Variants in ANKS6 observed in about 807,000 individuals in gnomAD.
ANKS6 encodes the protein ankyrin repeat and sterile alpha motif domain containing 6, also known as ankyrin repeat and SAM domain-containing protein 6.
Under a neutral mutation model 77.9 loss-of-function variants are expected in ANKS6, and 47 were observed. That is an observed-to-expected ratio of 0.60 (90% CI 0.48 to 0.77). The LOEUF (loss-of-function observed/expected upper bound fraction) is 0.77. Ranked by LOEUF, ANKS6 falls within the 30% of genes least tolerant of loss-of-function variation. The probability of loss-of-function intolerance (pLI) is 0.00; values close to 1 mark genes in which losing one functional copy is unlikely to be tolerated. For missense variants in ANKS6, 1,150 were observed against 1,159.1 expected (o/e 0.99, Z 0.11); for synonymous variants, 488 against 501.7 (o/e 0.97, Z 0.37).
Position 98,735,325 on chromosome 9 carries a change from T to C in ANKS6, c.*1194A>G. The C allele has an allele frequency of 9.8e-7, 1 of 1,019,540 alleles. No individual in the cohort carries two copies. The highest frequency in any genetic ancestry group is 1.2e-6 in the Non-Finnish European group (1 of 853,102). 63.2% of individuals were successfully genotyped at this position (1,019,540 alleles called of 1,614,324 possible). ...GCCTGTCGAGAGCCTGAAGGCTCTG[T>C]ATTGTGTCTGCACACTTGGCACCTG... On this transcript the variant is annotated 3_prime_UTR_variant, in exon 15 of 15. Coordinates refer to ENST00000353234, the MANE Select transcript of ANKS6 (RefSeq NM_173551.5).
rs1313782557 is a variant in ANKS6, at chr9:98,791,443, C to CCCA, written c.360-840_360-838dup. Reference sequence around the variant, plus strand: ...GGGCCCCTGAAGAGAAAGATCTGCACCCACCAACTTCCTAGTACCAGGAGA... The same window carrying CCCA: ...GGGCCCCTGAAGAGAAAGATCTGCACCCACCACCAACTTCCTAGTACCAGGAGA... On this transcript the variant is annotated intron_variant, in intron 1 of 14. Coordinates refer to ENST00000353234, the MANE Select transcript of ANKS6 (RefSeq NM_173551.5). The surrounding 1 kb of genome is among the most constrained non-coding windows in gnomAD (Gnocchi z 4.3). 6.6e-6 allele frequency among the ~76,000 whole-genome samples: 1 copy of CCCA among 152,182 alleles called. No individual in the cohort carries two copies. The highest frequency in any genetic ancestry group is 1.5e-5 in the Non-Finnish European group (1 of 68,042).
At position 98,780,066 on chromosome 9, in the gene ANKS6, C is replaced by T. The variant is rs953361304; in HGVS notation, c.1368+123G>A. 6 of 1,356,742 alleles carry T rather than the reference C, an allele frequency of 4.4e-6. No individual in the cohort carries two copies. The East Asian group carries it at 1.2e-4, about 28-fold the overall frequency. The allele number at this position is 1,356,742 out of a possible 1,614,324, so 84.0% of individuals were successfully genotyped here. A position where few individuals can be genotyped will look rare whatever the true frequency, so the allele number is the denominator to read the frequency against. On this transcript the variant is annotated intron_variant, in intron 6 of 14. Coordinates refer to ENST00000353234, the MANE Select transcript of ANKS6 (RefSeq NM_173551.5). The stretch of plus-strand genomic sequence containing the variant: ...TGTTTCCTATTGCTCAATGCCAGCT[C>T]ACCTGCCACCCCTGCAGGGACTCCC...
In ANKS6 at chr9:98,790,600, C is replaced by T. The variant is rs1180597946; in HGVS notation, c.366G>A (p.Gly122=). 1 of 1,595,522 alleles carries T rather than the reference C, an allele frequency of 6.3e-7. No homozygotes were observed. The highest frequency in any genetic ancestry group is 1.3e-5 in the African/African-American group (1 of 74,610). The change falls in exon 2 of 15, where the codon GGG becomes GGA. Residue 122 remains glycine, a synonymous_variant. Transcript: ENST00000353234. ...ACAGGAGGTGTGCCACACTCACATG[C>T]CCAAATCTGCCAGGAAGATGGAGAA... ...WSALMQAARF[G]HVSVAHLLLD...
intron 11 of ANKS6, among the ~76,000 whole-genome samples, chr9:98,758,801 T>C (rs1291540635): frequency 3.3e-5 from 5 of 152,208 alleles, no homozygotes; most frequent in South Asian, 4.1e-4. Context: ...ATGTTAAGTG[T>C]ACATGTACAC....
chr9:98,756,734 T>C, intron 11 of ANKS6, 131 bp from the exon 12 acceptor site: 1 of 780,710 alleles, frequency 1.3e-6, no homozygotes, highest in Non-Finnish European at 1.8e-6. Flanking sequence ...CTATGAAATC[T>C]ACTTTTAAAA....
rs1458277909 is a variant in ANKS6, at chr9:98,796,293, C to T, written c.199G>A (p.Ala67Thr). The change falls in exon 1 of 15, where the codon GCT (alanine) becomes ACT (threonine). Residue 67 changes from alanine (A) to threonine (T), a missense_variant. Physicochemically the swap from Ala to Thr is moderately conservative, Grantham distance 58. Transcript: ENST00000353234. Reference sequence around the variant, plus strand: ...TCCGAGCAATCCACGGGCACCGGAGCCCCGACTGCCCCCGCCGCTGCGGCC... The same window carrying T: ...TCCGAGCAATCCACGGGCACCGGAGTCCCGACTGCCCCCGCCGCTGCGGCC... ...PGAAAAGAVG[A>T]PVPVDCSDEA... 7.8e-7 allele frequency: 1 copy of T among 1,276,696 alleles called. No individual in the cohort carries two copies. The highest frequency in any genetic ancestry group is 3.5e-5 in the Admixed American group (1 of 28,426). The allele number at this position is 1,276,696 out of a possible 1,614,324, so 79.1% of individuals were successfully genotyped here.
chr9:98,774,684 G>A (rs901120041), intron 8 of ANKS6, among the ~76,000 whole-genome samples: 3 of 152,148 alleles, frequency 2.0e-5, no homozygotes, highest in African/African-American at 4.8e-5. Context: ...CTCCAGCCAC[G>A]CCTCCTGCTG....
At chr9:98,770,390 G>A (rs1455799997) in intron 10 of ANKS6, among the ~76,000 whole-genome samples, 1 of 152,132 alleles carries the variant, frequency 6.6e-6, no homozygotes, top group Non-Finnish European at 1.5e-5. Context: ...TTCCTGCAAA[G>A]CTGGTTTTGG....
intron 14 of ANKS6, among the ~76,000 whole-genome samples, chr9:98,739,645 C>A (rs1831704028): frequency 6.6e-6 from 1 of 152,028 alleles, no homozygotes; most frequent in Non-Finnish European, 1.5e-5. Context: ...ATCTATATAA[C>A]CAACAGGTAG....
rs1204932178 is a variant in ANKS6 at position 98,784,161 on chromosome 9, C to T, written c.908-4G>A. ...TCTTTGACCAGCTGGAAGTTTCCTG[C>T]AAACACAAGCAGGAGTCCGGGTGAA... is the stretch of plus-strand genomic sequence containing the variant. On this transcript the variant is annotated splice_polypyrimidine_tract_variant and splice_region_variant and intron_variant, in intron 3 of 14. Coordinates refer to ENST00000353234, the MANE Select transcript of ANKS6 (RefSeq NM_173551.5). 2 of 1,515,552 alleles carry T rather than the reference C, an allele frequency of 1.3e-6. No homozygotes were observed. Among genetic ancestry groups the T allele is most frequent in the Non-Finnish European group, 1.8e-6 (2 of 1,124,142 alleles). 93.9% of individuals were successfully genotyped at this position (1,515,552 alleles called of 1,614,324 possible).
intron 11 of ANKS6, among the ~76,000 whole-genome samples, chr9:98,764,916 T>G (rs73493940): frequency 0.017 from 2,539 of 152,314 alleles, 80 homozygotes; most frequent in African/African-American, 0.058. Context: ...ACTTTTTGTA[T>G]GTCTTGTAAA....
chr9:98,767,643 C>T (rs974721667), intron 11 of ANKS6, among the ~76,000 whole-genome samples: 3 of 152,242 alleles, frequency 2.0e-5, no homozygotes, highest in African/African-American at 4.8e-5. Flanking sequence ...CCACTAAGAA[C>T]GCTGTCAACA....
In ANKS6 at chr9:98,784,028, A is replaced by G. The variant is rs1227553995; in HGVS notation, c.1037T>C (p.Val346Ala). 1 of 1,611,352 alleles carries G rather than the reference A, an allele frequency of 6.2e-7. No individual in the cohort carries two copies. ...CTTGTCAACATCCGCGTGCCTCTCC[A>G]CCAGCAGCTGCACCAGAGCCAGCTG... ...TGQLALVQLL[V>A]ERHADVDKQD... The change falls in exon 4 of 15, where the codon GTG becomes GCG. Residue 346 changes from valine (V) to alanine (A), a missense_variant. Physicochemically the swap from Val to Ala is moderately conservative, Grantham distance 64. Transcript: ENST00000353234.
At chr9:98,740,297 T>C (rs1831753745) in intron 14 of ANKS6, among the ~76,000 whole-genome samples, 2 of 152,082 alleles carry the variant, frequency 1.3e-5, no homozygotes, top group South Asian at 2.1e-4. Context: ...ATCCAAACAA[T>C]TTTAAATAAG....
In ANKS6 at chr9:98,732,987, G is replaced by T; in HGVS notation, c.*3532C>A. On this transcript the variant is annotated 3_prime_UTR_variant, in exon 15 of 15. Transcript: ENST00000353234. Reference sequence around the variant, plus strand: ...GGCCCCACTCCATCTCTCTCCTCTGGGGCGTGCCCAGGCTGAGCCTGAGCC... The same window carrying T: ...GGCCCCACTCCATCTCTCTCCTCTGTGGCGTGCCCAGGCTGAGCCTGAGCC... The T allele has an allele frequency of 5.0e-6, 5 of 1,002,556 alleles. No homozygotes were observed. The highest frequency in any genetic ancestry group is 6.0e-6 in the Non-Finnish European group (5 of 833,694). The allele number at this position is 1,002,556 out of a possible 1,614,324, so 62.1% of individuals were successfully genotyped here. A position where few individuals can be genotyped will look rare whatever the true frequency, so the allele number is the denominator to read the frequency against.
At chr9:98,759,987 C>T (rs571017608) in intron 11 of ANKS6, among the ~76,000 whole-genome samples, 1 of 152,060 alleles carries the variant, frequency 6.6e-6, no homozygotes. Context: ...ATTGAATCTT[C>T]CCAACACAAA....
chr9:98,789,902 T>C, intron 2 of ANKS6: 1 of 679,620 alleles, frequency 1.5e-6, no homozygotes, highest in Non-Finnish European at 2.2e-6. Context: ...GGCTACCAAA[T>C]CACTCTGCAG....
intron 11 of ANKS6, among the ~76,000 whole-genome samples, chr9:98,764,953 TAGTAG>T (rs1342123890): frequency 6.6e-6 from 1 of 152,220 alleles, no homozygotes; most frequent in African/African-American, 2.4e-5. Context: ...ACATATTATA[TAGTAG>T]AGTATAGACT....
intron 13 of ANKS6, among the ~76,000 whole-genome samples, chr9:98,747,792 T>C (rs10739690): frequency 0.67 from 101,956 of 151,884 alleles, 34,753 homozygotes; most frequent in Non-Finnish European, 0.73. Context: ...CCTGTCCACC[T>C]CCACACCAGA....
Sources: allele counts gnomAD v4.1 joint callset (sites outside exome capture counted in the v4.1 genomes callset), GRCh38; gene constraint gnomAD v4.1.1; non-coding constraint Gnocchi (gnomAD v3.1); transcripts MANE v1.5; gene names NCBI Gene and HGNC (gene_info 2026-07-23, HGNC 2026-07-21).